Variants in GFPT1 observed in about 807,000 individuals in gnomAD.
GFPT1 encodes glutamine--fructose-6-phosphate aminotransferase [isomerizing] 1.
A neutral mutation model predicts 92.0 loss-of-function variants in GFPT1; 40 were observed. The ratio of observed to expected loss-of-function variants is 0.43; its 90% CI spans 0.34 to 0.57. The LOEUF (loss-of-function observed/expected upper bound fraction) is 0.57, where lower values mean the gene tolerates loss of function less well. GFPT1 is among the 20% of genes least tolerant of loss of function. The pLI is 0.02. For missense variants in GFPT1, 448 were observed against 869.1 expected (o/e 0.52, Z 6.09); for synonymous variants, 269 against 280.6 (o/e 0.96, Z 0.41).
At chr2:69,348,052 A>T in intron 11 of GFPT1, 119 bp downstream of exon 11, 1 of 850,374 alleles carries the variant, frequency 1.2e-6, no homozygotes, top group Non-Finnish European at 2.0e-6. Flanking sequence ...TTGTCCCTTC[A>T]CTAATCATGT....
chr2:69,354,176 T>A, intron 9 of GFPT1, 83 bp downstream of exon 9: 1 of 933,964 alleles, frequency 1.1e-6, no homozygotes, highest in African/African-American at 1.7e-5. Context: ...AGCACATTCA[T>A]TCACTCCAAG....
intron 15 of GFPT1, chr2:69,334,642 G>A (rs559846797): frequency 5.9e-5 from 9 of 152,266 alleles, no homozygotes; most frequent in South Asian, 2.1e-4. Context: ...TAACATTAGC[G>A]TTACTAAAGT....
chr2:69,326,828 C>T (rs751247518), intron 19 of GFPT1, 86 bp downstream of exon 19: 79 of 1,280,532 alleles, frequency 6.2e-5, no homozygotes, highest in Non-Finnish European at 8.7e-5. Flanking sequence ...TTCTCAAACA[C>T]TATTGTTAAA....
intron 15 of GFPT1, among the ~76,000 whole-genome samples, chr2:69,335,149 C>T (rs949290326): frequency 2.6e-5 from 4 of 151,784 alleles, no homozygotes; most frequent in Admixed American, 1.3e-4. Context: ...TGGGACTACA[C>T]GCACGCACCA....
At chr2:69,351,986 GCA>G (rs1370270376) in intron 9 of GFPT1, among the ~76,000 whole-genome samples, 3 of 152,164 alleles carry the variant, frequency 2.0e-5, no homozygotes, top group Non-Finnish European at 4.4e-5. Context: ...CAGAGACCAG[GCA>G]CAGTGGCTCA....
chr2:69,363,194 C>T (rs1169238788), intron 4 of GFPT1, among the ~76,000 whole-genome samples: 1 of 152,192 alleles, frequency 6.6e-6, no homozygotes, highest in Admixed American at 6.5e-5. Context: ...GCCTCTACCT[C>T]CTGGGCTTAA....
chr2:69,359,369 T>C (rs779984841), intron 4 of GFPT1, 43 bp from the exon 5 acceptor site: 25 of 1,161,468 alleles, frequency 2.2e-5, no homozygotes, highest in Non-Finnish European at 2.9e-5. Context: ...GTTAGAAGTA[T>C]GATAAATCTA....
At chr2:69,379,063 A>T (rs1365813595) in intron 1 of GFPT1, among the ~76,000 whole-genome samples, 1 of 152,154 alleles carries the variant, frequency 6.6e-6, no homozygotes, top group African/African-American at 2.4e-5. Flanking sequence ...AGGGCAACAT[A>T]CCAAGACCCT....
intron 1 of GFPT1, among the ~76,000 whole-genome samples, chr2:69,378,011 AGTTTTTT>A (rs759504913): frequency 2.8e-4 from 42 of 152,202 alleles, no homozygotes; most frequent in East Asian, 5.8e-4. Flanking sequence ...CCCAATAAAC[AGTTTTTT>A]GTTTTTTGTT....
rs1208018369 is a variant in GFPT1 at position 69,322,729 on chromosome 2, CTTGT to C, written c.*3456_*3459del. The C allele has an allele frequency of 6.6e-6, 1 of 152,184 alleles. No homozygotes were observed. Among genetic ancestry groups the C allele is most frequent in the African/African-American group, 2.4e-5 (1 of 41,444 alleles). 9.4% of individuals were successfully genotyped at this position (152,184 alleles called of 1,614,324 possible). On this transcript the variant is annotated 3_prime_UTR_variant, in exon 20 of 20. Coordinates refer to ENST00000357308, the MANE Select transcript of GFPT1 (RefSeq NM_001244710.2). ...CAGTTCCCTTTGGGTAGCAGTAATG[CTTGT>C]TTTTCATCTTTGCATATTAAGGACT...
chr2:69,366,704 T>C (rs568280420), intron 3 of GFPT1, among the ~76,000 whole-genome samples: 1 of 152,356 alleles, frequency 6.6e-6, no homozygotes, highest in African/African-American at 2.4e-5. Context: ...TCTCACCTGG[T>C]AATTATCTGC....
intron 7 of GFPT1, among the ~76,000 whole-genome samples, chr2:69,354,830 A>C (rs1179177290): frequency 6.6e-6 from 1 of 152,128 alleles, no homozygotes; most frequent in African/African-American, 2.4e-5. Flanking sequence ...CACTCTGGGA[A>C]ACATGGCAAA....
chr2:69,328,980 T>C (rs915196398), intron 17 of GFPT1, among the ~76,000 whole-genome samples: 22 of 152,148 alleles, frequency 1.4e-4, no homozygotes, highest in African/African-American at 4.8e-4. Context: ...GCTGGGATTA[T>C]AGACGTGAGC....
chr2:69,345,231 G>A (rs1671055513), intron 12 of GFPT1, among the ~76,000 whole-genome samples: 1 of 152,036 alleles, frequency 6.6e-6, no homozygotes. Flanking sequence ...ACCCCAGCCT[G>A]GGCAACAATA....
intron 4 of GFPT1, among the ~76,000 whole-genome samples, chr2:69,360,804 G>A (rs185410518): frequency 1.5e-4 from 23 of 152,070 alleles, no homozygotes; most frequent in African/African-American, 5.1e-4. Context: ...GCACGATCTC[G>A]GCTCACTGCA....
At chr2:69,327,479 CGT>C (rs1211081549) in intron 18 of GFPT1, among the ~76,000 whole-genome samples, 2 of 151,768 alleles carry the variant, frequency 1.3e-5, no homozygotes, top group East Asian at 1.9e-4. Flanking sequence ...AAATATATCG[CGT>C]GTGTGTAATT....
chr2:69,366,699 C>A (rs1214440910), intron 3 of GFPT1, among the ~76,000 whole-genome samples: 1 of 152,186 alleles, frequency 6.6e-6, no homozygotes, highest in East Asian at 1.9e-4. Context: ...TGTCCTCTCA[C>A]CTGGTAATTA....
Position 69,323,373 on chromosome 2 carries a change from T to C in GFPT1, c.*2816A>G, listed in dbSNP as rs778880829. On this transcript the variant is annotated 3_prime_UTR_variant, in exon 20 of 20. Transcript: ENST00000357308. ...ATATTACACTGGTTTTAATTGGGCA[T>C]GCTCACTTTAGTGGTGTGCCTCATT... The C allele has an allele frequency of 1.3e-5, 2 of 152,256 alleles. No individual in the cohort carries two copies. The highest frequency in any genetic ancestry group is 2.9e-5 in the Non-Finnish European group (2 of 68,046). The allele number at this position is 152,256 out of a possible 1,614,324, so 9.4% of individuals were successfully genotyped here.
chr2:69,331,362 G>GTTA (rs1325359481), intron 15 of GFPT1, among the ~76,000 whole-genome samples: 2 of 152,060 alleles, frequency 1.3e-5, no homozygotes, highest in Non-Finnish European at 2.9e-5. Context: ...TAAGAAGGTA[G>GTTA]TTATTGTTCA....
Sources: allele counts gnomAD v4.1 joint callset (sites outside exome capture counted in the v4.1 genomes callset), GRCh38; gene constraint gnomAD v4.1.1; transcripts MANE v1.5; gene names NCBI Gene and HGNC (gene_info 2026-07-23, HGNC 2026-07-21).